The following KIAA0040 variants were observed in gnomAD, a reference collection of about 807,000 sequenced individuals.
KIAA0040 encodes KIAA0040.
A neutral mutation model predicts 7.2 loss-of-function variants in KIAA0040; 10 were observed. That is an observed-to-expected ratio of 1.38 (90% confidence interval 0.85 to 2.34). The LOEUF (loss-of-function observed/expected upper bound fraction) is 2.34, where lower values mean the gene tolerates loss of function less well. Ranked by LOEUF, KIAA0040 falls within the 30% of genes most tolerant of loss-of-function variation. The pLI is 0.00. For synonymous variants in KIAA0040, 49 were observed against 40.1 expected, an observed-to-expected ratio of 1.22 and a Z score of -0.84; for missense variants, 89 against 108.2, an observed-to-expected ratio of 0.82 and a Z score of 0.79.
Position 175,159,860 on chromosome 1 carries a change from TGAGTGGTTTGCGGGGGTAATGTTTCACA to T in KIAA0040, c.*826_*853del, listed in dbSNP as rs1463405851. Reference sequence around the variant, plus strand: ...TCTTGCTTGGAGAAAGGCACTTTGCTGAGTGGTTTGCGGGGGTAATGTTTCACAGAGAGGTCTTGGATCACATTAAACA... The same window carrying T: ...TCTTGCTTGGAGAAAGGCACTTTGCTGAGAGGTCTTGGATCACATTAAACA... On this transcript the variant is annotated 3_prime_UTR_variant, in exon 4 of 4. Transcript: ENST00000423313. The T allele has an allele frequency of 6.6e-6, 1 of 151,354 alleles. No individual in the cohort carries two copies. The highest frequency in any genetic ancestry group is 2.4e-5 in the African/African-American group (1 of 41,180). 9.4% of individuals were successfully genotyped at this position (151,354 alleles called of 1,614,324 possible).
intron 1 of KIAA0040, among the ~76,000 whole-genome samples, chr1:175,191,273 C>T (rs1015701187): frequency 6.6e-6 from 1 of 152,196 alleles, no homozygotes; most frequent in African/African-American, 2.4e-5. Flanking sequence ...AAATCAATAA[C>T]TTAGTTTGTT....
intron 1 of KIAA0040, among the ~76,000 whole-genome samples, chr1:175,183,823 G>T (rs982789399): frequency 6.6e-6 from 1 of 152,224 alleles, no homozygotes; most frequent in East Asian, 1.9e-4. Flanking sequence ...CTAGGTGCTT[G>T]CAGGCTCCTG....
chr1:175,190,246 G>A (rs899876492), intron 1 of KIAA0040, among the ~76,000 whole-genome samples: 15 of 152,346 alleles, frequency 9.8e-5, no homozygotes, highest in South Asian at 2.1e-4. Flanking sequence ...AAGGTATCCT[G>A]AGAAAGCCTT....
chr1:175,180,351 G>T (rs777430984), intron 1 of KIAA0040, among the ~76,000 whole-genome samples: 1 of 152,202 alleles, frequency 6.6e-6, no homozygotes, highest in Non-Finnish European at 1.5e-5. Flanking sequence ...AGATGAAGAA[G>T]CTCTGAGGCT....
chr1:175,184,503 C>A (rs1321776395), intron 1 of KIAA0040, among the ~76,000 whole-genome samples: 1 of 152,218 alleles, frequency 6.6e-6, no homozygotes, highest in Non-Finnish European at 1.5e-5. Flanking sequence ...CTCCTTTCCC[C>A]ATCCCAGGGC....
At chr1:175,170,148 C>T (rs1313039310) in intron 2 of KIAA0040, among the ~76,000 whole-genome samples, 1 of 152,100 alleles carries the variant, frequency 6.6e-6, no homozygotes, top group Non-Finnish European at 1.5e-5. Context: ...CCGGTAGCAG[C>T]AACATTAAGG....
chr1:175,191,679 C>G (rs1161442673), intron 1 of KIAA0040, among the ~76,000 whole-genome samples: 1 of 152,226 alleles, frequency 6.6e-6, no homozygotes, highest in Non-Finnish European at 1.5e-5. Context: ...TAACTCAAGG[C>G]TCTCCCATTA....
Position 175,166,241 on chromosome 1 carries a change from G to A in KIAA0040, c.-134+321C>T, listed in dbSNP as rs187063420. Among the ~76,000 whole-genome samples, 535 of 152,338 alleles carry A rather than the reference G, an allele frequency of 3.5e-3. 3 individuals are homozygous for A. The highest frequency in any genetic ancestry group is 6.7e-3 in the Admixed American group (102 of 15,306). On this transcript the variant is annotated intron_variant, in intron 3 of 3. Coordinates refer to ENST00000423313, the MANE Select transcript of KIAA0040 (RefSeq NM_014656.3). ...CCATTGAGCTTTCTACCTTGGGTGCGCTGATCACTGTGCTTGCTTTAGCTC... is the reference window on the plus strand; with the variant it reads ...CCATTGAGCTTTCTACCTTGGGTGCACTGATCACTGTGCTTGCTTTAGCTC...
chr1:175,178,773 A>G (rs1677310065), intron 1 of KIAA0040, among the ~76,000 whole-genome samples: 1 of 152,204 alleles, frequency 6.6e-6, no homozygotes, highest in Non-Finnish European at 1.5e-5. Flanking sequence ...TGCCCTCACC[A>G]TTCAGTGTGG....
chr1:175,161,874 T>C (rs1205182738), intron 3 of KIAA0040, among the ~76,000 whole-genome samples: 1 of 152,216 alleles, frequency 6.6e-6, no homozygotes, highest in East Asian at 1.9e-4. Context: ...TTCCTCTTCC[T>C]CATTACCCTT....
intron 2 of KIAA0040, among the ~76,000 whole-genome samples, chr1:175,169,307 C>A (rs539101922): frequency 6.6e-6 from 1 of 152,156 alleles, no homozygotes; most frequent in Non-Finnish European, 1.5e-5. Context: ...AGCAGTGGTT[C>A]GGGAACCAGA....
At chr1:175,170,147 G>A (rs1051688337) in intron 2 of KIAA0040, among the ~76,000 whole-genome samples, 2 of 152,174 alleles carry the variant, frequency 1.3e-5, no homozygotes, top group African/African-American at 4.8e-5. Context: ...TCCGGTAGCA[G>A]CAACATTAAG....
intron 2 of KIAA0040, among the ~76,000 whole-genome samples, chr1:175,169,907 A>G (rs1051309765): frequency 3.3e-5 from 5 of 151,958 alleles, no homozygotes; most frequent in South Asian, 2.1e-4. Context: ...CCCTCCCTCA[A>G]TGTATTTAAT....
chr1:175,161,369 A>G (rs12565599), intron 3 of KIAA0040, among the ~76,000 whole-genome samples: 14,524 of 152,246 alleles, frequency 0.095, 907 homozygotes, highest in East Asian at 0.23. Flanking sequence ...TTAGGATATA[A>G]AAATGAATAG....
intron 3 of KIAA0040, among the ~76,000 whole-genome samples, chr1:175,165,099 A>T (rs1676705195): frequency 6.6e-6 from 1 of 152,172 alleles, no homozygotes; most frequent in South Asian, 2.1e-4. Flanking sequence ...TTGAAACCAA[A>T]TATTATTTAC....
At chr1:175,167,072 G>A (rs1676793142) in intron 2 of KIAA0040, among the ~76,000 whole-genome samples, 2 of 152,104 alleles carry the variant, frequency 1.3e-5, no homozygotes, top group African/African-American at 4.8e-5. Context: ...TGTAATTATG[G>A]TGAGTGCCAC....
intron 3 of KIAA0040, among the ~76,000 whole-genome samples, chr1:175,163,433 T>C (rs1172271300): frequency 1.3e-5 from 2 of 152,242 alleles, no homozygotes; most frequent in Non-Finnish European, 2.9e-5. Context: ...TGAGGAGTCA[T>C]GTCCTCTCAT....
At position 175,177,611 on chromosome 1, in the gene KIAA0040, T is replaced by G. The variant is rs1677255127; in HGVS notation, c.-310A>C. On this transcript the variant is annotated splice_region_variant and 5_prime_UTR_variant, in exon 2 of 4. Transcript: ENST00000423313. Reference sequence around the variant, plus strand: ...GGAATGAGAAGAAGTTACAACTCACTCAGTGTGTGTCCTTGGGAAGGTCAC... The same window carrying G: ...GGAATGAGAAGAAGTTACAACTCACGCAGTGTGTGTCCTTGGGAAGGTCAC... 1 of 152,250 alleles carries G rather than the reference T, an allele frequency of 6.6e-6. No individual in the cohort carries two copies. The highest frequency in any genetic ancestry group is 1.5e-5 in the Non-Finnish European group (1 of 68,044). The allele number at this position is 152,250 out of a possible 1,614,324, so 9.4% of individuals were successfully genotyped here.
In KIAA0040 at chr1:175,160,305, G is replaced by T; in HGVS notation, c.*409C>A. The T allele has an allele frequency of 5.3e-6, 1 of 187,538 alleles. No homozygotes were observed. 11.6% of individuals were successfully genotyped at this position (187,538 alleles called of 1,614,324 possible). ...TCCCTGCACAAAGTACATAGCCAAT[G>T]ACCATTTGATGAGCAGAATATACTT... On this transcript the variant is annotated 3_prime_UTR_variant, in exon 4 of 4. Transcript: ENST00000423313.
Sources: allele counts gnomAD v4.1 joint callset (sites outside exome capture counted in the v4.1 genomes callset), GRCh38; gene constraint gnomAD v4.1.1; transcripts MANE v1.5; gene names NCBI Gene and HGNC (gene_info 2026-07-23, HGNC 2026-07-21).